Variants in NBAS observed in about 807,000 individuals in gnomAD.
NBAS encodes NAG/BC035112 fusion.
NBAS carries 219 observed loss-of-function variants against 302.5 expected under a neutral mutation model. The ratio of observed to expected loss-of-function variants is 0.72; its 90% CI spans 0.65 to 0.81. NBAS has a LOEUF of 0.81. NBAS is among the 30% of genes least tolerant of loss of function. NBAS has a pLI of 0.00. For synonymous variants in NBAS, 1,118 were observed against 1,021.6 expected (o/e 1.09, Z -1.80); for missense variants, 2,932 against 2,841.6 (o/e 1.03, Z -0.72).
At chr2:15,558,703 A>G in intron 1 of NBAS, 69 bp from the exon 2 acceptor site, 1 of 1,167,452 alleles carries the variant, frequency 8.6e-7, no homozygotes, top group Non-Finnish European at 1.3e-6. Context: ...TTACTTATAC[A>G]ATATGTAAAC....
Position 15,330,537 on chromosome 2 carries a change from A to G in NBAS, c.4347+61T>C, listed in dbSNP as rs756525832. On this transcript the variant is annotated intron_variant, in intron 36 of 51. Transcript: ENST00000281513. ...ATATAACAGTGAAAACAACTGAAAC[A>G]TTGCTAATGAATTTATATAAACCAT... 52 of 1,599,346 alleles carry G rather than the reference A, an allele frequency of 3.3e-5. No individual in the cohort carries two copies. In the African/African-American group the frequency reaches 5.8e-4, roughly 18 times the overall value.
At chr2:15,022,349 T>A in the NBAS span, among the ~76,000 whole-genome samples, 1 of 152,170 alleles carries the variant, frequency 6.6e-6, no homozygotes, top group Non-Finnish European at 1.5e-5. Flanking sequence ...TCTAAGACGG[T>A]GATGTTGAGA....
chr2:14,959,267 T>C, the NBAS span, among the ~76,000 whole-genome samples: 1 of 152,224 alleles, frequency 6.6e-6, no homozygotes, highest in Non-Finnish European at 1.5e-5. Flanking sequence ...ACCAGGTACA[T>C]TGAGACATGC....
At chr2:15,501,044 G>A (rs1246452181) in intron 11 of NBAS, among the ~76,000 whole-genome samples, 1 of 152,180 alleles carries the variant, frequency 6.6e-6, no homozygotes, top group East Asian at 1.9e-4. Context: ...GCTCACGCCT[G>A]TAATCCCAGC....
the NBAS span, among the ~76,000 whole-genome samples, chr2:14,820,112 C>A: frequency 1.3e-5 from 2 of 152,118 alleles, no homozygotes; most frequent in Admixed American, 6.5e-5. Flanking sequence ...GGAGGTTCCT[C>A]AAGAAACTAA....
At chr2:15,165,255 C>T (rs1260917364), downstream of NBAS, among the ~76,000 whole-genome samples, 1 of 152,254 alleles carries the variant, frequency 6.6e-6, no homozygotes, top group Non-Finnish European at 1.5e-5. Context: ...TTGACCCACA[C>T]CATCGGACAT....
intron 11 of NBAS, among the ~76,000 whole-genome samples, chr2:15,494,637 C>G (rs1680998608): frequency 6.6e-6 from 1 of 152,118 alleles, no homozygotes; most frequent in Non-Finnish European, 1.5e-5. Flanking sequence ...TATATGCTCC[C>G]TGAGTATAGA....
chr2:15,135,372 A>G, the NBAS span, among the ~76,000 whole-genome samples: 9 of 152,224 alleles, frequency 5.9e-5, no homozygotes, highest in Non-Finnish European at 8.8e-5. Flanking sequence ...CCCCAGGCAG[A>G]TGAGCTAGGT....
At chr2:15,017,742 TC>T in the NBAS span, among the ~76,000 whole-genome samples, 11 of 151,984 alleles carry the variant, frequency 7.2e-5, no homozygotes, top group East Asian at 2.1e-3. Context: ...GTAGAGAGGT[TC>T]CTCAAAAAAA....
chr2:15,532,833 G>C (rs1046803473), intron 9 of NBAS, among the ~76,000 whole-genome samples: 1 of 151,312 alleles, frequency 6.6e-6, no homozygotes, highest in Non-Finnish European at 1.5e-5. Context: ...GTAAATATAA[G>C]AAAAAATTTT....
In NBAS at chr2:15,396,493, G is replaced by GA. The variant is rs767545222; in HGVS notation, c.3072-19dup. 4.3e-3 allele frequency: 5,710 copies of GA among 1,333,740 alleles called. No individual in the cohort carries two copies. Among genetic ancestry groups the GA allele is most frequent in the South Asian group, 6.2e-3 (368 of 59,818 alleles). 82.6% of individuals were successfully genotyped at this position (1,333,740 alleles called of 1,614,324 possible). On this transcript the variant is annotated intron_variant, in intron 26 of 51. Transcript: ENST00000281513. ...TCTTATCACTAATAAATTAAAAGAA[G>GA]AAAAAAAAAAGCCCTTAAGTTTAGT...
At chr2:14,797,413 TG>T in the NBAS span, among the ~76,000 whole-genome samples, 1 of 152,144 alleles carries the variant, frequency 6.6e-6, no homozygotes, top group Non-Finnish European at 1.5e-5. Context: ...TGGCAAGTGG[TG>T]GTGGGGCTAG....
intron 10 of NBAS, among the ~76,000 whole-genome samples, chr2:15,506,057 T>C (rs748354317): frequency 1.7e-4 from 25 of 150,252 alleles, no homozygotes; most frequent in Non-Finnish European, 3.0e-4. Context: ...AATGAAAAAA[T>C]GAAAATGAGT....
At chr2:15,002,776 G>A in the NBAS span, among the ~76,000 whole-genome samples, 2 of 152,330 alleles carry the variant, frequency 1.3e-5, no homozygotes, top group East Asian at 1.9e-4. Flanking sequence ...CTGCTGGGCC[G>A]GGTGCTAAGC....
At chr2:15,556,125 C>T (rs1380465146) in intron 3 of NBAS, among the ~76,000 whole-genome samples, 1 of 152,002 alleles carries the variant, frequency 6.6e-6, no homozygotes, top group Non-Finnish European at 1.5e-5. Context: ...AGAGTAAAAG[C>T]AGAAAGACGT....
At chr2:14,916,581 A>AAT in the NBAS span, among the ~76,000 whole-genome samples, 223 of 151,854 alleles carry the variant, frequency 1.5e-3, no homozygotes, top group African/African-American at 4.5e-3. Context: ...TGCTTTCAGT[A>AAT]ATATATATAT....
At chr2:15,312,016 G>T (rs1446478121) in intron 38 of NBAS, among the ~76,000 whole-genome samples, 1 of 152,004 alleles carries the variant, frequency 6.6e-6, no homozygotes, top group Non-Finnish European at 1.5e-5. Flanking sequence ...GACCTCCAAA[G>T]GTCACCAAAC....
chr2:15,543,928 G>A (rs773656934), intron 6 of NBAS, among the ~76,000 whole-genome samples: 4 of 152,164 alleles, frequency 2.6e-5, no homozygotes, highest in Non-Finnish European at 4.4e-5. Flanking sequence ...TTTATGACCA[G>A]TGCCTAGTAC....
chr2:15,441,808 G>C (rs1337060084), intron 21 of NBAS, among the ~76,000 whole-genome samples: 2 of 152,048 alleles, frequency 1.3e-5, no homozygotes, highest in Non-Finnish European at 2.9e-5. Flanking sequence ...AAGGATGGAG[G>C]AAGATCTACC....
Sources: gnomAD v4.1 joint callset for allele counts (sites outside exome capture counted in the v4.1 genomes callset) on GRCh38, gnomAD v4.1.1 for gene constraint, MANE v1.5 for transcripts, NCBI Gene and HGNC (gene_info 2026-07-23, HGNC 2026-07-21) for gene names.